The following SLIT2 variants were observed in gnomAD, a reference collection of about 807,000 sequenced individuals.
SLIT2 encodes the protein slit homolog 2 protein.
SLIT2 carries 41 observed loss-of-function variants against 185.7 expected under a neutral mutation model. The ratio of observed to expected loss-of-function variants is 0.22; its 90% confidence interval spans 0.17 to 0.29. The LOEUF (loss-of-function observed/expected upper bound fraction) is 0.29, where lower values mean the gene tolerates loss of function less well. SLIT2 is among the 10% of genes least tolerant of loss of function. SLIT2 has a pLI of 1.00. For synonymous variants in SLIT2, 693 were observed against 680.2 expected, an observed-to-expected ratio of 1.02 and a Z score of -0.29; for missense variants, 1,571 against 1,909.0, an observed-to-expected ratio of 0.82 and a Z score of 3.30.
chr4:20,399,161 G>A (rs1383627036), intron 4 of SLIT2, among the ~76,000 whole-genome samples: 2 of 151,590 alleles, frequency 1.3e-5, no homozygotes, highest in African/African-American at 2.4e-5. Flanking sequence ...TATATCAAAT[G>A]TTGCACTAAT....
intron 29 of SLIT2, among the ~76,000 whole-genome samples, chr4:20,586,174 A>G (rs1727042206): frequency 6.6e-6 from 1 of 152,188 alleles, no homozygotes; most frequent in South Asian, 2.1e-4. Flanking sequence ...AGAATCCAAT[A>G]TAATTAAGGA....
chr4:20,599,088 G>T (rs983052568), intron 33 of SLIT2, among the ~76,000 whole-genome samples: 27 of 152,102 alleles, frequency 1.8e-4, no homozygotes, highest in African/African-American at 6.5e-4. Flanking sequence ...GAGCTTTAAG[G>T]AACAAAGCCC....
chr4:20,321,787 A>C (rs1363038799), intron 4 of SLIT2, among the ~76,000 whole-genome samples: 2 of 152,082 alleles, frequency 1.3e-5, no homozygotes, highest in Non-Finnish European at 2.9e-5. Context: ...TCTCCCTACA[A>C]ATTATCTGCC....
chr4:20,360,424 G>C (rs1438627533), intron 4 of SLIT2, among the ~76,000 whole-genome samples: 1 of 152,070 alleles, frequency 6.6e-6, no homozygotes, highest in Non-Finnish European at 1.5e-5. Flanking sequence ...TTTAATATGA[G>C]AAGAGCCTCA....
intron 18 of SLIT2, among the ~76,000 whole-genome samples, chr4:20,534,252 T>G (rs1261732463): frequency 1.3e-5 from 2 of 152,190 alleles, no homozygotes; most frequent in African/African-American, 4.8e-5. Flanking sequence ...GACTACTGTT[T>G]TTTGCCCCTG....
At chr4:20,490,391 A>G (rs929904906) in intron 8 of SLIT2, among the ~76,000 whole-genome samples, 4 of 140,028 alleles carry the variant, frequency 2.9e-5, no homozygotes, top group Non-Finnish European at 6.1e-5. Flanking sequence ...ACGTGCATGC[A>G]CACACACACC....
Position 20,567,496 on chromosome 4 carries a change from ATACT to A in SLIT2, c.2851-20_2851-17del. 1 of 1,611,224 alleles carries A rather than the reference ATACT, an allele frequency of 6.2e-7. No individual in the cohort carries two copies. The highest frequency in any genetic ancestry group is 1.1e-5 in the South Asian group (1 of 90,992). ...GTGCCAAGAACTACTTCACTCGACT[ATACT>A]TGCCCCTTCTTCTCCAGGGGCAGGA... is the stretch of plus-strand genomic sequence containing the variant. On this transcript the variant is annotated intron_variant, in intron 27 of 36. Coordinates refer to ENST00000504154, the MANE Select transcript of SLIT2 (RefSeq NM_004787.4).
At chr4:20,371,837 T>C (rs1723600091) in intron 4 of SLIT2, among the ~76,000 whole-genome samples, 1 of 152,186 alleles carries the variant, frequency 6.6e-6, no homozygotes, top group African/African-American at 2.4e-5. Flanking sequence ...CCAAAAATAC[T>C]GTACTCTTGT....
intron 4 of SLIT2, among the ~76,000 whole-genome samples, chr4:20,368,542 T>A (rs1344146844): frequency 2.6e-5 from 4 of 152,056 alleles, no homozygotes; most frequent in South Asian, 2.1e-4. Context: ...ATGAGGAGGT[T>A]TCCCAGCAAC....
intron 5 of SLIT2, among the ~76,000 whole-genome samples, chr4:20,472,495 T>TATATCTATATAG (rs1715475714): frequency 7.1e-5 from 1 of 14,110 alleles, no homozygotes; most frequent in Non-Finnish European, 1.1e-4. Flanking sequence ...TATATATAGA[T>TATATCTATATAG]ATATATCTAT....
chr4:20,344,128 G>A (rs1172349901), intron 4 of SLIT2, among the ~76,000 whole-genome samples: 6 of 152,158 alleles, frequency 3.9e-5, no homozygotes, highest in Admixed American at 1.3e-4. Context: ...GATTACAGGC[G>A]TGAGCCACCG....
chr4:20,518,152 CAT>C (rs1401210952), intron 11 of SLIT2, among the ~76,000 whole-genome samples: 1 of 140,050 alleles, frequency 7.1e-6, no homozygotes, highest in Non-Finnish European at 1.5e-5. Context: ...TATATATATA[CAT>C]ATACATACAT....
At chr4:20,281,741 C>T (rs369794626) in intron 4 of SLIT2, among the ~76,000 whole-genome samples, 2 of 152,118 alleles carry the variant, frequency 1.3e-5, no homozygotes, top group East Asian at 3.9e-4. Flanking sequence ...TACTCTTTCT[C>T]CTCTCCCCTC....
At chr4:20,338,752 A>G (rs1213407559) in intron 4 of SLIT2, among the ~76,000 whole-genome samples, 1 of 152,178 alleles carries the variant, frequency 6.6e-6, no homozygotes. Context: ...TCTTCTTATG[A>G]GAACAAATAC....
At chr4:20,573,152 C>A in intron 29 of SLIT2, 1 of 702,214 alleles carries the variant, frequency 1.4e-6, no homozygotes, top group South Asian at 1.5e-5. Context: ...CTGTTGTGAA[C>A]GCTGCGCATT....
At chr4:20,569,096 T>C in intron 29 of SLIT2, 92 bp downstream of exon 29, 8 of 1,100,582 alleles carry the variant, frequency 7.3e-6, no homozygotes, top group Non-Finnish European at 1.1e-5. Context: ...TAAATCTTTT[T>C]TTATTTGATA....
intron 4 of SLIT2, among the ~76,000 whole-genome samples, chr4:20,294,405 A>G (rs889269468): frequency 1.3e-5 from 2 of 152,106 alleles, no homozygotes; most frequent in African/African-American, 4.8e-5. Flanking sequence ...GGCACTATAT[A>G]AAGCCAGGTA....
Position 20,256,322 on chromosome 4 carries a change from G to GGGGC in SLIT2, c.180-348_180-347insGCGG, listed in dbSNP as rs201542345. ...CTGAAGGGAACTTTTTTTTTGGGGG[G>GGGGC]GGTGCCTAACAATTATAGTAAAATA... On this transcript the variant is annotated intron_variant, in intron 1 of 36. Coordinates refer to ENST00000504154, the MANE Select transcript of SLIT2 (RefSeq NM_004787.4). Among the ~76,000 whole-genome samples, 1,148 of 150,418 alleles carry GGGGC rather than the reference G, an allele frequency of 7.6e-3. 17 individuals are homozygous for GGGGC. Among genetic ancestry groups the GGGGC allele is most frequent in the African/African-American group, 0.027 (1,091 of 40,848 alleles).
chr4:20,441,383 A>G (rs1273693502), intron 4 of SLIT2, among the ~76,000 whole-genome samples: 1 of 152,118 alleles, frequency 6.6e-6, no homozygotes, highest in Non-Finnish European at 1.5e-5. Context: ...ACACAGTTTC[A>G]CTATAGCCAA....
Sources: gnomAD v4.1 joint callset for allele counts (sites outside exome capture counted in the v4.1 genomes callset) on GRCh38, gnomAD v4.1.1 for gene constraint, MANE v1.5 for transcripts, NCBI Gene and HGNC (gene_info 2026-07-23, HGNC 2026-07-21) for gene names.